The following CPAMD8 variants were observed in gnomAD, a reference collection of about 807,000 sequenced individuals.
The protein encoded by CPAMD8 is C3 and PZP-like alpha-2-macroglobulin domain-containing protein 8.
In CPAMD8, 146 loss-of-function variants were observed where a neutral mutation model predicts 224.7. That is an observed-to-expected ratio of 0.65 (90% CI 0.57 to 0.75). The LOEUF is 0.75. CPAMD8 is among the 30% of genes least tolerant of loss of function. The pLI is 0.00. For missense variants in CPAMD8, 2,301 were observed against 2,537.5 expected (o/e 0.91, Z 2.00); for synonymous variants, 966 against 1,044.6 (o/e 0.92, Z 1.45).
intron 13 of CPAMD8, among the ~76,000 whole-genome samples, chr19:16,980,895 G>C (rs1599840059): frequency 6.6e-6 from 1 of 152,032 alleles, no homozygotes; most frequent in Non-Finnish European, 1.5e-5. Context: ...GCATGCGATG[G>C]TGAGATCTCA....
chr19:16,961,769 C>G (rs1002083932), intron 18 of CPAMD8, among the ~76,000 whole-genome samples: 3 of 152,176 alleles, frequency 2.0e-5, no homozygotes, highest in Non-Finnish European at 2.9e-5. Flanking sequence ...CAGGAGGGGC[C>G]GACAAACACC....
intron 19 of CPAMD8, among the ~76,000 whole-genome samples, chr19:16,954,753 G>A (rs1035825651): frequency 6.6e-6 from 1 of 152,170 alleles, no homozygotes; most frequent in Non-Finnish European, 1.5e-5. Context: ...GGGAGGCCGA[G>A]GGGGGTGGAT....
intron 12 of CPAMD8, among the ~76,000 whole-genome samples, chr19:16,992,714 C>T (rs1030779405): frequency 6.6e-5 from 10 of 152,046 alleles, no homozygotes; most frequent in African/African-American, 1.4e-4. Context: ...GGCCTCCCAA[C>T]GTGCTGGGAT....
intron 19 of CPAMD8, among the ~76,000 whole-genome samples, chr19:16,952,465 C>T (rs2054329950): frequency 6.6e-6 from 1 of 152,134 alleles, no homozygotes; most frequent in African/African-American, 2.4e-5. Context: ...CTGCCCGAGC[C>T]CAGGAGTTCC....
intron 18 of CPAMD8, among the ~76,000 whole-genome samples, chr19:16,964,024 G>T (rs1334703913): frequency 2.0e-5 from 3 of 152,068 alleles, no homozygotes; most frequent in Non-Finnish European, 4.4e-5. Flanking sequence ...AGAATCTCTG[G>T]GACACATTTA....
At chr19:16,982,903 G>T (rs1411490599) in intron 13 of CPAMD8, among the ~76,000 whole-genome samples, 5 of 152,162 alleles carry the variant, frequency 3.3e-5, no homozygotes, top group Admixed American at 6.5e-5. Context: ...GGGACCCAGT[G>T]GGAGATAACT....
chr19:16,985,030 T>A (rs901082843), intron 13 of CPAMD8, among the ~76,000 whole-genome samples: 1 of 152,188 alleles, frequency 6.6e-6, no homozygotes. Flanking sequence ...TTAGACAATA[T>A]AATTTGGTGA....
At chr19:16,941,593 T>C (rs2122185712) in intron 22 of CPAMD8, among the ~76,000 whole-genome samples, 1 of 152,298 alleles carries the variant, frequency 6.6e-6, no homozygotes, top group African/African-American at 2.4e-5. Flanking sequence ...AAGAGGGGCC[T>C]GGTGGAAGGT....
chr19:16,954,899 C>T (rs995690285), intron 19 of CPAMD8, among the ~76,000 whole-genome samples: 6 of 151,710 alleles, frequency 4.0e-5, no homozygotes, highest in Admixed American at 6.6e-5. Flanking sequence ...GAGGCCGAGG[C>T]GGGCGGATCA....
At chr19:16,984,854 T>TAC (rs1158281374) in intron 13 of CPAMD8, among the ~76,000 whole-genome samples, 1 of 152,098 alleles carries the variant, frequency 6.6e-6, no homozygotes, top group East Asian at 1.9e-4. Context: ...ACCAAGTACA[T>TAC]ACACATGGGT....
rs2052381114 is a variant in CPAMD8, at chr19:16,904,265, G to T, written c.4212C>A (p.Ser1404=). 2 of 1,613,242 alleles carry T rather than the reference G, an allele frequency of 1.2e-6. No homozygotes were observed. The highest frequency in any genetic ancestry group is 1.7e-6 in the Non-Finnish European group (2 of 1,179,982). ...AAALPVVKWL[S]QQRNALGGFS... ...AGCCCCCAAGTGCATTTCGCTGCTGGGACAGCCACTTCACCACAGGCAGGG... is the reference window on the plus strand; with the variant it reads ...AGCCCCCAAGTGCATTTCGCTGCTGTGACAGCCACTTCACCACAGGCAGGG... The change falls in exon 32 of 42, where the codon TCC becomes TCA. Residue 1404 remains serine (S), a synonymous_variant. Coordinates refer to ENST00000443236, the MANE Select transcript of CPAMD8 (RefSeq NM_015692.5).
At chr19:16,904,176 A>AGCCCCC in intron 32 of CPAMD8, 50 bp downstream of exon 32, 2 of 937,336 alleles carry the variant, frequency 2.1e-6, no homozygotes, top group Non-Finnish European at 3.3e-6. Flanking sequence ...GACTGCAGGG[A>AGCCCCC]CCCCACCCAC....
intron 25 of CPAMD8, among the ~76,000 whole-genome samples, chr19:16,926,386 T>C (rs1196131797): frequency 6.6e-6 from 1 of 151,974 alleles, no homozygotes; most frequent in East Asian, 2.0e-4. Context: ...GGCATGATCT[T>C]GGCTCACTGC....
At chr19:16,896,110 T>C in intron 41 of CPAMD8, 66 bp downstream of exon 41, 3 of 1,519,252 alleles carry the variant, frequency 2.0e-6, no homozygotes, top group Non-Finnish European at 2.7e-6. Flanking sequence ...GGGAGGTTGG[T>C]AGGGGAGGGA....
At chr19:17,012,020 C>A (rs572674149) in intron 3 of CPAMD8, among the ~76,000 whole-genome samples, 12 of 152,136 alleles carry the variant, frequency 7.9e-5, no homozygotes, top group Admixed American at 7.2e-4. Flanking sequence ...GCAAACTGCC[C>A]CAAATATCTT....
intron 27 of CPAMD8, among the ~76,000 whole-genome samples, chr19:16,919,491 A>G (rs967852211): frequency 6.6e-6 from 1 of 152,220 alleles, no homozygotes; most frequent in African/African-American, 2.4e-5. Flanking sequence ...GCAACAGCCA[A>G]CACCTTGACT....
chr19:16,905,703 T>C (rs1321948980), intron 30 of CPAMD8, among the ~76,000 whole-genome samples: 3 of 152,252 alleles, frequency 2.0e-5, no homozygotes, highest in African/African-American at 4.8e-5. Flanking sequence ...TTAAACTTTT[T>C]TCTTTCGGAA....
At chr19:16,930,732 T>C (rs1005335702) in intron 23 of CPAMD8, among the ~76,000 whole-genome samples, 3 of 152,070 alleles carry the variant, frequency 2.0e-5, no homozygotes, top group African/African-American at 7.2e-5. Context: ...GCAAAGATAC[T>C]GTTCCAGAGA....
chr19:16,903,704 C>A lies in CPAMD8; in HGVS notation c.4405G>T (p.Ala1469Ser). ...ACCCTCATCCCAGGAACACGCACCG[C>A]TGCTGTCTGCAGAACCTTCTGGTTG... ...RTNQKVLQTA[A>S]IPSLPTGLFV... Residue 1469 changes from alanine (A) to serine (S), a missense_variant and splice_region_variant, in exon 33 of 42, where the codon GCG (alanine) becomes TCG (serine). Transcript: ENST00000443236. The A allele has an allele frequency of 6.2e-7, 1 of 1,614,190 alleles. No individual in the cohort carries two copies. The highest frequency in any genetic ancestry group is 8.5e-7 in the Non-Finnish European group (1 of 1,180,026).
Sources: allele counts gnomAD v4.1 joint callset (sites outside exome capture counted in the v4.1 genomes callset), GRCh38; gene constraint gnomAD v4.1.1; transcripts MANE v1.5; gene names NCBI Gene and HGNC (gene_info 2026-07-23, HGNC 2026-07-21).